The following ANGPTL6 variants were observed in gnomAD, a reference collection of about 807,000 sequenced individuals.
ANGPTL6 encodes angiopoietin-related protein 6.
In ANGPTL6, 45 loss-of-function variants were observed where a neutral mutation model predicts 47.4. The ratio of observed to expected loss-of-function variants is 0.95; its 90% CI spans 0.75 to 1.22. The LOEUF is 1.22. ANGPTL6 is among the 50% of genes most tolerant of loss of function. The probability of loss-of-function intolerance (pLI) is 0.00; values close to 1 mark genes in which losing one functional copy is unlikely to be tolerated. For synonymous variants in ANGPTL6, 290 were observed against 295.9 expected, an observed-to-expected ratio of 0.98 and a Z score of 0.20; for missense variants, 698 against 669.4, an observed-to-expected ratio of 1.04 and a Z score of -0.47.
intron 1 of ANGPTL6, 43 bp from the exon 2 acceptor site, chr19:10,096,616 C>A: frequency 7.3e-7 from 1 of 1,366,804 alleles, no homozygotes; most frequent in Non-Finnish European, 9.5e-7. Flanking sequence ...GGTGCTGGGG[C>A]CCAGCGAGAC....
Position 10,094,920 on chromosome 19 carries a change from GT to G in ANGPTL6, c.600del (p.Leu201TrpfsTer82). 10 of 1,610,654 alleles carry G rather than the reference GT, an allele frequency of 6.2e-6. No homozygotes were observed. The highest frequency in any genetic ancestry group is 8.5e-6 in the Non-Finnish European group (10 of 1,177,926). On this transcript the variant is annotated frameshift_variant, in exon 3 of 6. Transcript: ENST00000253109. LOFTEE classifies it high-confidence loss of function. ...AGACGGACCGGAACCACAGGCACCAGTGGGGGTGGCGGCAGGACCTGGGGTG... is the reference window on the plus strand; with the variant it reads ...AGACGGACCGGAACCACAGGCACCAGGGGGGTGGCGGCAGGACCTGGGGTG... The part of the protein sequence containing the change: ...GGQQQVLPPP[P>X]LVPVVPVRLV...
At chr19:10,105,912 G>A (rs2088808258), upstream of ANGPTL6, among the ~76,000 whole-genome samples, 1 of 152,210 alleles carries the variant, frequency 6.6e-6, no homozygotes, top group South Asian at 2.1e-4. Context: ...GGGTACCCGG[G>A]GAGGACAGCT....
At chr19:10,103,215 C>T (rs966896285), upstream of ANGPTL6, among the ~76,000 whole-genome samples, 1 of 151,710 alleles carries the variant, frequency 6.6e-6, no homozygotes, top group African/African-American at 2.4e-5. Context: ...CACATGTACA[C>T]CACAGCTGTC....
intron 2 of ANGPTL6, 58 bp from the exon 3 acceptor site, chr19:10,094,996 G>A (rs1040855466): frequency 6.8e-7 from 1 of 1,470,894 alleles, no homozygotes; most frequent in Admixed American, 2.5e-5. Flanking sequence ...AGGAGGCCTG[G>A]TCTCAGGGGC....
rs1479416318 is a variant in ANGPTL6 at position 10,092,783 on chromosome 19, A to G, written c.1223-4T>C. ...CGCTGGTACAGGGCACAGTTACCTG[A>G]GGGGAGAGAGAGAGTCCATGTCCTC... On this transcript the variant is annotated splice_region_variant and splice_polypyrimidine_tract_variant and intron_variant, in intron 5 of 5. Transcript: ENST00000253109. The G allele has an allele frequency of 1.3e-6, 2 of 1,590,400 alleles. No homozygotes were observed. Among genetic ancestry groups the G allele is most frequent in the East Asian group, 4.5e-5 (2 of 44,300 alleles).
chr19:10,097,911 G>A lies in ANGPTL6; in HGVS notation c.-10-1338C>T, dbSNP rs540968988. Among the ~76,000 whole-genome samples the A allele has an allele frequency of 7.9e-5, 12 of 151,470 alleles. No individual in the cohort carries two copies. The South Asian group carries it at 1.9e-3, about 24-fold the overall frequency. The stretch of plus-strand genomic sequence containing the variant: ...AAAATAACAGTAGGACTGGTGAGGC[G>A]GCTCAGGCCTGTGTTAAGGCGGGAA... On this transcript the variant is annotated intron_variant, in intron 1 of 5. Coordinates refer to ENST00000253109, the MANE Select transcript of ANGPTL6 (RefSeq NM_031917.3).
Position 10,093,834 on chromosome 19 carries a change from C to A in ANGPTL6, c.810G>T (p.Gln270His), listed in dbSNP as rs778164883. Residue 270 changes from glutamine to histidine, a missense_variant, in exon 4 of 6, where the codon CAG becomes CAT. Physicochemically the swap from Gln to His is conservative, Grantham distance 24. Transcript: ENST00000253109. ...CCACTCGCAGTTCATACACTCCACT[C>A]TGTTCATGGCCTGCCTGGCGGGCCT... is the stretch of plus-strand genomic sequence containing the variant. Reference protein sequence around the residue: ...CAEARQAGHEQSGVYELRVGR... With the variant: ...CAEARQAGHEHSGVYELRVGR... 6 of 1,612,832 alleles carry A rather than the reference C, an allele frequency of 3.7e-6. No homozygotes were observed. The highest frequency in any genetic ancestry group is 3.4e-6 in the Non-Finnish European group (4 of 1,180,036).
At chr19:10,094,248 G>A (rs1004503742) in intron 3 of ANGPTL6, among the ~76,000 whole-genome samples, 1 of 151,918 alleles carries the variant, frequency 6.6e-6, no homozygotes, top group Non-Finnish European at 1.5e-5. Flanking sequence ...CCAGGTTCAC[G>A]CCTTTCTCCT....
Position 10,093,626 on chromosome 19 carries a change from G to A in ANGPTL6, c.952-7C>T. ...CTGGCCGCCCAAAGCCCGCCTGGCA[G>A]GGCAGGAAAGTCAGGAAGCCAGAAC... is the stretch of plus-strand genomic sequence containing the variant. On this transcript the variant is annotated splice_polypyrimidine_tract_variant and splice_region_variant and intron_variant, in intron 4 of 5. Transcript: ENST00000253109. 6.2e-7 allele frequency: 1 copy of A among 1,613,236 alleles called. No homozygotes were observed. The highest frequency in any genetic ancestry group is 1.7e-5 in the Admixed American group (1 of 60,004).
In ANGPTL6 at chr19:10,093,774, T is replaced by TTGCTGCTCACACC. The variant is rs1239538133; in HGVS notation, c.857_869dup (p.Leu291ValfsTer2). 3 of 1,614,132 alleles carry TTGCTGCTCACACC rather than the reference T, an allele frequency of 1.9e-6. No homozygotes were observed. The African/African-American group carries it at 4.0e-5, about 22-fold the overall frequency. ...TCACAGTCCAGCCTCCACCCTCCAG[T>TTGCTGCTCACACC]TGCTGCTCACACCATACTGACACTA... On this transcript the variant is annotated stop_gained and frameshift_variant, in exon 4 of 6. Transcript: ENST00000253109. LOFTEE classifies it high-confidence loss of function.
In ANGPTL6 at chr19:10,092,694, G is replaced by A. The variant is rs1305244120; in HGVS notation, c.1308C>T (p.Gly436=). ...SNLNGVWHHG[G]HYRSRYQDGV... is the part of the protein sequence containing the mutation. ...CATCCTGGTAGCGGCTTCGGTAGTG[G>A]CCGCCGTGGTGCCACACACCGTTGA... Residue 436 remains glycine (G), a synonymous_variant, in exon 6 of 6, where the codon GGC becomes GGT. Transcript: ENST00000253109. 4 of 1,614,016 alleles carry A rather than the reference G, an allele frequency of 2.5e-6. No individual in the cohort carries two copies. Among genetic ancestry groups the A allele is most frequent in the Non-Finnish European group, 3.4e-6 (4 of 1,179,906 alleles).
At chr19:10,095,344 G>A (rs1399561213) in intron 2 of ANGPTL6, among the ~76,000 whole-genome samples, 1 of 152,124 alleles carries the variant, frequency 6.6e-6, no homozygotes, top group Non-Finnish European at 1.5e-5. Flanking sequence ...CCTGGGAGGT[G>A]GAGGTTGCAG....
intron 1 of ANGPTL6, among the ~76,000 whole-genome samples, chr19:10,097,025 G>A (rs1409902547): frequency 1.3e-5 from 2 of 151,942 alleles, no homozygotes; most frequent in Non-Finnish European, 2.9e-5. Flanking sequence ...CTTGAGCCCA[G>A]GAGTTCAAGG....
At chr19:10,100,686 T>C (rs2088656776) in intron 1 of ANGPTL6, among the ~76,000 whole-genome samples, 1 of 152,204 alleles carries the variant, frequency 6.6e-6, no homozygotes, top group African/African-American at 2.4e-5. Context: ...GACACAGCCT[T>C]AACCCAAACA....
chr19:10,104,314 T>C (rs1454389993), upstream of ANGPTL6, among the ~76,000 whole-genome samples: 1 of 76,128 alleles, frequency 1.3e-5, no homozygotes, highest in Non-Finnish European at 2.6e-5. Flanking sequence ...TGTTTGTGTG[T>C]GTGGTGTGTG....
At chr19:10,103,693 T>C (rs775808825), upstream of ANGPTL6, among the ~76,000 whole-genome samples, 31 of 151,172 alleles carry the variant, frequency 2.1e-4, no homozygotes, top group Non-Finnish European at 3.0e-4. Context: ...AAGACACAGC[T>C]GTAAATTTTT....
chr19:10,102,024 G>A (rs1456921028), intron 1 of ANGPTL6, among the ~76,000 whole-genome samples: 2 of 148,372 alleles, frequency 1.3e-5, no homozygotes, highest in East Asian at 3.9e-4. Flanking sequence ...ACTGAGGCAG[G>A]AGAATGGCGT....
chr19:10,103,762 T>C (rs2088741277), upstream of ANGPTL6, among the ~76,000 whole-genome samples: 3 of 151,344 alleles, frequency 2.0e-5, 1 homozygote. Context: ...TTACATGTGA[T>C]TTATGTTTTT....
intron 3 of ANGPTL6, 122 bp from the exon 4 acceptor site, chr19:10,094,002 A>G: frequency 9.7e-7 from 1 of 1,031,014 alleles, no homozygotes; most frequent in Admixed American, 2.3e-5. Context: ...CCACTTTTCT[A>G]CCAAAGAGTC....
Sources: gnomAD v4.1 joint callset for allele counts (sites outside exome capture counted in the v4.1 genomes callset) on GRCh38, gnomAD v4.1.1 for gene constraint, MANE v1.5 for transcripts, NCBI Gene and HGNC (gene_info 2026-07-23, HGNC 2026-07-21) for gene names.